SNTG1: variants seen among roughly 807,000 people sequenced by gnomAD.
The protein encoded by SNTG1 is syntrophin gamma 1, also known as gamma-1-syntrophin.
Under a neutral mutation model 74.7 loss-of-function variants are expected in SNTG1, and 39 were observed. The ratio of observed to expected loss-of-function variants is 0.52; its 90% CI spans 0.40 to 0.68. The LOEUF (loss-of-function observed/expected upper bound fraction) is 0.68. Among genes scored for constraint, SNTG1 ranks in the 30% least tolerant of loss-of-function variants. SNTG1 has a pLI of 0.00. For synonymous variants in SNTG1, 254 were observed against 217.1 expected (o/e 1.17, Z -1.49); for missense variants, 685 against 609.5 (o/e 1.12, Z -1.30).
chr8:50,244,713 A>G (rs535688840), intron 2 of SNTG1, among the ~76,000 whole-genome samples: 23 of 152,186 alleles, frequency 1.5e-4, no homozygotes, highest in Non-Finnish European at 3.2e-4. Context: ...CGCATCCACA[A>G]ATATATGAAT....
intron 2 of SNTG1, among the ~76,000 whole-genome samples, chr8:50,326,081 G>A (rs889068427): frequency 9.2e-5 from 14 of 152,128 alleles, no homozygotes; most frequent in Admixed American, 3.3e-4. Flanking sequence ...TGAATTCCAA[G>A]TGGCTGTAGT....
chr8:50,487,699 G>GC lies in SNTG1; in HGVS notation c.364-15079_364-15078insC, dbSNP rs972849773. ...CTGGGGACTGTTGTGGGGTCGGAGG[G>GC]GGGGGAGGGATAGCACTGGGAGATA... is the stretch of plus-strand genomic sequence containing the variant. On this transcript the variant is annotated intron_variant, in intron 8 of 18. Coordinates refer to ENST00000642720, the MANE Select transcript of SNTG1 (RefSeq NM_018967.5). 3.4e-3 allele frequency among the ~76,000 whole-genome samples: 461 copies of GC among 135,484 alleles called. 4 individuals are homozygous for GC. The highest frequency in any genetic ancestry group is 9.1e-3 in the Middle Eastern group (2 of 220). 88.9% of individuals were successfully genotyped at this position (135,484 alleles called of 152,430 possible).
rs942817344 is a variant in SNTG1 at position 50,394,372 on chromosome 8, AGAG to A, written c.27+113_27+115del. 5 of 1,105,552 alleles carry A rather than the reference AGAG, an allele frequency of 4.5e-6. No individual in the cohort carries two copies. In the African/African-American group the frequency reaches 7.9e-5, roughly 17 times the overall value. The allele number at this position is 1,105,552 out of a possible 1,614,324, so 68.5% of individuals were successfully genotyped here. A position where few individuals can be genotyped will look rare whatever the true frequency, so the allele number is the denominator to read the frequency against. Reference sequence around the variant, plus strand: ...ATTCTGCTTTTGGCAGAAAATGGAGAGAGGAGGATGGGCTCTTTTTCCTTCCAG... The same window carrying A: ...ATTCTGCTTTTGGCAGAAAATGGAGAGAGGATGGGCTCTTTTTCCTTCCAG... On this transcript the variant is annotated intron_variant, in intron 3 of 18. Coordinates refer to ENST00000642720, the MANE Select transcript of SNTG1 (RefSeq NM_018967.5).
intron 9 of SNTG1, among the ~76,000 whole-genome samples, chr8:50,524,697 A>C (rs1182606624): frequency 1.4e-5 from 2 of 146,702 alleles, no homozygotes; most frequent in Non-Finnish European, 3.0e-5. Context: ...ACATATTTAC[A>C]TTGTATTTGG....
intron 1 of SNTG1, among the ~76,000 whole-genome samples, chr8:49,946,367 C>G (rs1290800413): frequency 6.6e-6 from 1 of 152,082 alleles, no homozygotes; most frequent in East Asian, 1.9e-4. Flanking sequence ...CTAATTTAGG[C>G]TACAATGAGA....
intron 13 of SNTG1, among the ~76,000 whole-genome samples, chr8:50,630,300 AC>A (rs1343356149): frequency 1.3e-5 from 2 of 152,196 alleles, no homozygotes; most frequent in Non-Finnish European, 2.9e-5. Context: ...AGGTAGGCTT[AC>A]CTTAGTTTAA....
At chr8:50,056,634 G>A (rs1820046491) in intron 1 of SNTG1, among the ~76,000 whole-genome samples, 2 of 152,182 alleles carry the variant, frequency 1.3e-5, no homozygotes, top group African/African-American at 2.4e-5. Flanking sequence ...CACATCATTA[G>A]TAAAGTAAGA....
chr8:50,708,742 A>G, intron 16 of SNTG1, 144 bp from the exon 17 acceptor site: 4 of 587,658 alleles, frequency 6.8e-6, no homozygotes, highest in Non-Finnish European at 1.2e-5. Context: ...TAAAATGTTG[A>G]TAATACTCCC....
At chr8:50,700,992 A>G (rs2095421679) in intron 15 of SNTG1, among the ~76,000 whole-genome samples, 1 of 152,182 alleles carries the variant, frequency 6.6e-6, no homozygotes, top group African/African-American at 2.4e-5. Context: ...TTGAGTTTTA[A>G]AAGAGCAAAG....
intron 18 of SNTG1, chr8:50,762,924 C>T (rs1335526320): frequency 1.1e-5 from 3 of 274,506 alleles, no homozygotes; most frequent in African/African-American, 4.5e-5. Flanking sequence ...GGATTTTTCT[C>T]CAAAATCCAC....
At chr8:50,291,242 A>AAGCGTGTGTGTGTGTG in intron 2 of SNTG1, among the ~76,000 whole-genome samples, 1 of 149,286 alleles carries the variant, frequency 6.7e-6, no homozygotes, top group South Asian at 2.1e-4. Context: ...AGACAGACAT[A>AAGCGTGTGTGTGTGTG]TGTGTGTGTG....
intron 1 of SNTG1, among the ~76,000 whole-genome samples, chr8:50,008,096 G>C (rs1815419748): frequency 6.6e-6 from 1 of 152,096 alleles, no homozygotes; most frequent in Non-Finnish European, 1.5e-5. Flanking sequence ...TGAGATTTGA[G>C]TGGGGACACA....
rs984459326 is a variant in SNTG1 at position 50,221,443 on chromosome 8, G to A, written c.-28+48808G>A. Among the ~76,000 whole-genome samples, 3 of 150,604 alleles carry A rather than the reference G, an allele frequency of 2.0e-5. No homozygotes were observed. The East Asian group carries it at 5.9e-4, about 30-fold the overall frequency. The stretch of plus-strand genomic sequence containing the variant: ...CGTGGCAAAATATTAATAAAAAATA[G>A]AATATTAATAAAAAATAGAGATGAT... On this transcript the variant is annotated intron_variant, in intron 2 of 18. Coordinates refer to ENST00000642720, the MANE Select transcript of SNTG1 (RefSeq NM_018967.5).
chr8:49,955,056 G>A (rs1487109666), intron 1 of SNTG1, among the ~76,000 whole-genome samples: 2 of 151,984 alleles, frequency 1.3e-5, no homozygotes, highest in African/African-American at 4.8e-5. Flanking sequence ...TTAATATTAG[G>A]TATCTTTAGT....
At chr8:50,438,950 T>C (rs567378780) in intron 5 of SNTG1, among the ~76,000 whole-genome samples, 11 of 152,232 alleles carry the variant, frequency 7.2e-5, no homozygotes, top group African/African-American at 2.4e-4. Flanking sequence ...CAATAACAAG[T>C]TTCACACTAA....
At chr8:49,952,288 CTT>C (rs1809793306) in intron 1 of SNTG1, among the ~76,000 whole-genome samples, 1 of 152,090 alleles carries the variant, frequency 6.6e-6, no homozygotes, top group Non-Finnish European at 1.5e-5. Flanking sequence ...GTTGTAAAGA[CTT>C]TTTTGTGCTG....
At chr8:50,523,894 T>C (rs2094199759) in intron 9 of SNTG1, among the ~76,000 whole-genome samples, 1 of 152,164 alleles carries the variant, frequency 6.6e-6, no homozygotes, top group African/African-American at 2.4e-5. Flanking sequence ...GATATGTCTG[T>C]ACTTGGATAT....
At chr8:50,548,087 A>G (rs552819883) in intron 11 of SNTG1, among the ~76,000 whole-genome samples, 1 of 152,326 alleles carries the variant, frequency 6.6e-6, no homozygotes, top group African/African-American at 2.4e-5. Context: ...CCAGAGATCA[A>G]TTGTACTGGT....
intron 9 of SNTG1, among the ~76,000 whole-genome samples, chr8:50,517,127 TG>T (rs2094139992): frequency 6.6e-6 from 1 of 151,898 alleles, no homozygotes; most frequent in Admixed American, 6.6e-5. Flanking sequence ...CAGAAGAGAG[TG>T]GGGGCTAATA....
Sources: gnomAD v4.1 joint callset for allele counts (sites outside exome capture counted in the v4.1 genomes callset) on GRCh38, gnomAD v4.1.1 for gene constraint, MANE v1.5 for transcripts, NCBI Gene and HGNC (gene_info 2026-07-23, HGNC 2026-07-21) for gene names.